DTNA: variants seen among roughly 807,000 people sequenced by gnomAD.
DTNA encodes dystrobrevin alpha.
A neutral mutation model predicts 100.7 loss-of-function variants in DTNA; 43 were observed. That is an observed-to-expected ratio of 0.43 (90% confidence interval 0.33 to 0.55). DTNA has a LOEUF of 0.55. Among genes scored for constraint, DTNA ranks in the 20% least tolerant of loss-of-function variants. The pLI is 0.04. For synonymous variants in DTNA, 349 were observed against 347.9 expected (o/e 1.00, Z -0.04); for missense variants, 798 against 953.9 (o/e 0.84, Z 2.15).
intron 22 of DTNA, among the ~76,000 whole-genome samples, chr18:34,885,898 A>G (rs1296558314): frequency 1.3e-5 from 2 of 152,206 alleles, no homozygotes; most frequent in Non-Finnish European, 2.9e-5. Flanking sequence ...ATGCAGCTAC[A>G]TGTGATGACT....
intron 17 of DTNA, among the ~76,000 whole-genome samples, chr18:34,865,740 C>A (rs2096693318): frequency 6.6e-6 from 1 of 152,160 alleles, no homozygotes; most frequent in South Asian, 2.1e-4. Flanking sequence ...TTGAAAACTG[C>A]CCCCTATGTT....
intron 1 of DTNA, among the ~76,000 whole-genome samples, chr18:34,547,941 G>A (rs2044980337): frequency 6.6e-6 from 1 of 152,074 alleles, no homozygotes; most frequent in Admixed American, 6.6e-5. Flanking sequence ...AATCTTTCTT[G>A]GATGCTTTTG....
At chr18:34,877,949 G>C (rs2096834343) in intron 19 of DTNA, 141 bp downstream of exon 19, 2 of 813,200 alleles carry the variant, frequency 2.5e-6, no homozygotes, top group Non-Finnish European at 3.8e-6. Flanking sequence ...GGTCTATTCA[G>C]ATTTGAGGGG....
Position 34,618,097 on chromosome 18 carries a change from G to A in DTNA, c.-2+124583G>A, listed in dbSNP as rs2081005615. 2.0e-5 allele frequency among the ~76,000 whole-genome samples: 3 copies of A among 152,132 alleles called. No individual in the cohort carries two copies. In the South Asian group the frequency reaches 6.2e-4, roughly 32 times the overall value. On this transcript the variant is annotated intron_variant, in intron 1 of 19. Transcript: ENST00000283365. Reference sequence around the variant, plus strand: ...AGGTTTAGACATCATCTAGTGAGTAGTTCAGATTGTTAATTTTCCGGAAGA... The same window carrying A: ...AGGTTTAGACATCATCTAGTGAGTAATTCAGATTGTTAATTTTCCGGAAGA...
intron 1 of DTNA, among the ~76,000 whole-genome samples, chr18:34,576,364 G>T (rs2048114533): frequency 6.6e-6 from 1 of 152,186 alleles, no homozygotes; most frequent in Non-Finnish European, 1.5e-5. Context: ...TGCAGGGAGG[G>T]AATCAAGGGT....
intron 17 of DTNA, chr18:34,867,313 G>A (rs906081131): frequency 8.1e-7 from 1 of 1,230,692 alleles, no homozygotes; most frequent in African/African-American, 1.6e-5. Context: ...TGTAATGTCA[G>A]ACAATAAAGA....
At chr18:34,570,489 A>G (rs904621492) in intron 1 of DTNA, among the ~76,000 whole-genome samples, 26 of 152,222 alleles carry the variant, frequency 1.7e-4, no homozygotes, top group African/African-American at 6.3e-4. Flanking sequence ...ATCTAGCACA[A>G]ATTAAGAGCT....
chr18:34,881,437 C>CATTTTTT (rs2096871292), intron 20 of DTNA, among the ~76,000 whole-genome samples: 1 of 51,384 alleles, frequency 1.9e-5, no homozygotes, highest in African/African-American at 8.4e-5. Flanking sequence ...AATTAAAATG[C>CATTTTTT]TTTTTTTTTT....
chr18:34,575,394 A>G (rs1411181331), intron 1 of DTNA, among the ~76,000 whole-genome samples: 4 of 152,180 alleles, frequency 2.6e-5, no homozygotes, highest in African/African-American at 9.7e-5. Context: ...TGACTCTCTT[A>G]CTATATCCAA....
intron 13 of DTNA, among the ~76,000 whole-genome samples, chr18:34,842,486 C>A (rs984765415): frequency 1.3e-5 from 2 of 152,136 alleles, no homozygotes; most frequent in Non-Finnish European, 2.9e-5. Flanking sequence ...ACAACCCAGA[C>A]CCCTCACCAT....
intron 1 of DTNA, among the ~76,000 whole-genome samples, chr18:34,700,974 A>G (rs536906021): frequency 1.3e-5 from 2 of 152,220 alleles, no homozygotes; most frequent in South Asian, 4.2e-4. Flanking sequence ...CTTGCCACAT[A>G]CACTCTGTAT....
chr18:34,697,505 G>T lies in DTNA; in HGVS notation c.-1-58471G>T, dbSNP rs576437546. Among the ~76,000 whole-genome samples, 9 of 152,248 alleles carry T rather than the reference G, an allele frequency of 5.9e-5. No homozygotes were observed. The South Asian group carries it at 6.2e-4, about 11-fold the overall frequency. On this transcript the variant is annotated intron_variant, in intron 1 of 19. Coordinates refer to the DTNA transcript ENST00000283365. ...TTCCATTTCCTGAGTAAATTTACTG[G>T]GTTCTAGGGACCTGGACTGGAGAAG...
chr18:34,842,771 A>G (rs896797060), intron 13 of DTNA, among the ~76,000 whole-genome samples: 7 of 152,094 alleles, frequency 4.6e-5, no homozygotes, highest in Non-Finnish European at 2.9e-5. Flanking sequence ...GGTCCTCTAT[A>G]TTAGTCTCTA....
intron 9 of DTNA, among the ~76,000 whole-genome samples, chr18:34,823,852 G>A (rs2095789002): frequency 6.6e-6 from 1 of 152,208 alleles, no homozygotes; most frequent in African/African-American, 2.4e-5. Flanking sequence ...GGAGCAGTGA[G>A]TGGGGTGCAA....
Position 34,563,244 on chromosome 18 carries a change from G to GAT in DTNA, c.-2+69730_-2+69731insAT, listed in dbSNP as rs1289658742. Among the ~76,000 whole-genome samples, 3 of 152,192 alleles carry GAT rather than the reference G, an allele frequency of 2.0e-5. No individual in the cohort carries two copies. The East Asian group carries it at 5.8e-4, about 29-fold the overall frequency. On this transcript the variant is annotated intron_variant, in intron 1 of 19. Transcript: ENST00000283365. Reference sequence around the variant, plus strand: ...ATTTAGAGAGGCATACATGGAAGAAGGTTGTGTGAAGATGAAGGCAGACAT... The same window carrying GAT: ...ATTTAGAGAGGCATACATGGAAGAAGATGTTGTGTGAAGATGAAGGCAGACAT...
At chr18:34,592,467 A>AACACACACACACACACACACACAC (rs3078085) in intron 1 of DTNA, among the ~76,000 whole-genome samples, 33 of 139,528 alleles carry the variant, frequency 2.4e-4, no homozygotes, top group African/African-American at 8.4e-4. Flanking sequence ...ACACTTGTAT[A>AACACACACACACACACACACACAC]ACACACACAC....
chr18:34,891,275 T>C lies in DTNA; in HGVS notation c.*3541T>C, dbSNP rs2096963294. On this transcript the variant is annotated 3_prime_UTR_variant, in exon 23 of 23. Coordinates refer to ENST00000444659, the MANE Select transcript of DTNA (RefSeq NM_001386795.1). ...GCTGTTAAGTATTGTTTTGTGTGTG[T>C]GTGTGTGTGTGTGTGTTGGAACCTC... 1 of 152,508 alleles carries C rather than the reference T, an allele frequency of 6.6e-6. No homozygotes were observed. The highest frequency in any genetic ancestry group is 2.1e-4 in the South Asian group (1 of 4,830). 9.4% of individuals were successfully genotyped at this position (152,508 alleles called of 1,614,324 possible). A position where few individuals can be genotyped will look rare whatever the true frequency, so the allele number is the denominator to read the frequency against.
At chr18:34,689,195 G>A (rs1254422288) in intron 1 of DTNA, among the ~76,000 whole-genome samples, 2 of 152,106 alleles carry the variant, frequency 1.3e-5, no homozygotes, top group African/African-American at 2.4e-5. Flanking sequence ...TGCTGGCGAG[G>A]AATTGTGATC....
At chr18:34,676,304 C>T (rs2077390213) in intron 1 of DTNA, among the ~76,000 whole-genome samples, 1 of 152,158 alleles carries the variant, frequency 6.6e-6, no homozygotes, top group African/African-American at 2.4e-5. Flanking sequence ...TCCATCTAAC[C>T]TACATGCCTA....
Sources: gnomAD v4.1 joint callset for allele counts (sites outside exome capture counted in the v4.1 genomes callset) on GRCh38, gnomAD v4.1.1 for gene constraint, MANE v1.5 for transcripts, NCBI Gene and HGNC (gene_info 2026-07-23, HGNC 2026-07-21) for gene names.